The following PTPRD variants were observed in gnomAD, a reference collection of about 807,000 sequenced individuals.
PTPRD encodes protein tyrosine phosphatase receptor type D.
PTPRD carries 34 observed loss-of-function variants against 214.5 expected under a neutral mutation model. The ratio of observed to expected loss-of-function variants is 0.16; its 90% CI spans 0.12 to 0.21. The LOEUF is 0.21. Ranked by LOEUF, PTPRD falls within the 10% of genes least tolerant of loss-of-function variation. The pLI is 1.00. For synonymous variants in PTPRD, 1,128 were observed against 845.7 expected (o/e 1.33, Z -5.79); for missense variants, 2,545 against 2,398.7 (o/e 1.06, Z -1.27).
Position 10,562,228 on chromosome 9 carries a change from T to C in PTPRD, c.-600+50170A>G, listed in dbSNP as rs2064177266. ...CCAAGTGTTCTTTTTACCTATGTAC[T>C]ATGACCACTTCTCTGAACTCAAATA... is the stretch of plus-strand genomic sequence containing the variant. On this transcript the variant is annotated intron_variant, in intron 2 of 45. Transcript: ENST00000381196. 3.3e-5 allele frequency among the ~76,000 whole-genome samples: 5 copies of C among 152,266 alleles called. No homozygotes were observed. In the South Asian group the frequency reaches 8.3e-4, roughly 25 times the overall value.
rs573957034 is a variant in PTPRD at position 9,701,974 on chromosome 9, C to T, written c.-287+32559G>A. Among the ~76,000 whole-genome samples, 7 of 152,094 alleles carry T rather than the reference C, an allele frequency of 4.6e-5. No individual in the cohort carries two copies. In the South Asian group the frequency reaches 1.5e-3, roughly 32 times the overall value. On this transcript the variant is annotated intron_variant, in intron 7 of 45. Coordinates refer to ENST00000381196, the MANE Select transcript of PTPRD (RefSeq NM_002839.4). ...TCTCTACTAAAAATACAAAAATTAG[C>T]CAGGCATGGTGGTGCATGCCTGTAT...
At chr9:9,482,437 G>A (rs2095455617) in intron 8 of PTPRD, among the ~76,000 whole-genome samples, 1 of 152,138 alleles carries the variant, frequency 6.6e-6, no homozygotes, top group South Asian at 2.1e-4. Flanking sequence ...GTAGAACGTT[G>A]AAGTGTCTAT....
intron 10 of PTPRD, among the ~76,000 whole-genome samples, chr9:9,146,204 C>T (rs1012638719): frequency 3.9e-5 from 6 of 152,086 alleles, no homozygotes; most frequent in South Asian, 2.1e-4. Flanking sequence ...ATTGTTTATT[C>T]GTTAGTACCT....
intron 4 of PTPRD, among the ~76,000 whole-genome samples, chr9:9,947,309 ATATATAT>A: frequency 1.3e-5 from 1 of 77,198 alleles, no homozygotes; most frequent in African/African-American, 7.3e-5. Flanking sequence ...TATATTTTAT[ATATATAT>A]TATATATATT....
intron 2 of PTPRD, among the ~76,000 whole-genome samples, chr9:10,487,769 A>C (rs938058830): frequency 6.6e-6 from 1 of 151,990 alleles, no homozygotes; most frequent in Non-Finnish European, 1.5e-5. Flanking sequence ...ACCATGGCAC[A>C]TGTATACCTA....
chr9:9,964,339 G>C (rs553628945), intron 4 of PTPRD, among the ~76,000 whole-genome samples: 86 of 152,254 alleles, frequency 5.6e-4, no homozygotes, highest in African/African-American at 1.9e-3. Flanking sequence ...GATGTATTTT[G>C]AAGACAGGTG....
intron 10 of PTPRD, among the ~76,000 whole-genome samples, chr9:9,179,031 T>C (rs2099926583): frequency 6.6e-6 from 1 of 152,128 alleles, no homozygotes. Context: ...GCTCACTTAA[T>C]GGTATGCCTT....
intron 2 of PTPRD, among the ~76,000 whole-genome samples, chr9:10,446,044 C>G (rs1432222053): frequency 6.6e-6 from 1 of 151,930 alleles, no homozygotes; most frequent in African/African-American, 2.4e-5. Flanking sequence ...AACACAGGAT[C>G]CAGTATCATT....
intron 3 of PTPRD, among the ~76,000 whole-genome samples, chr9:10,198,380 G>A (rs892732199): frequency 6.6e-6 from 1 of 152,140 alleles, no homozygotes; most frequent in African/African-American, 2.4e-5. Flanking sequence ...TGCCTGAAAG[G>A]AAGATGGAGT....
intron 5 of PTPRD, among the ~76,000 whole-genome samples, chr9:9,841,894 T>C (rs1355584485): frequency 6.6e-6 from 1 of 152,126 alleles, no homozygotes; most frequent in Non-Finnish European, 1.5e-5. Context: ...TTTTTCTTCT[T>C]AGAATTGTTA....
At chr9:10,340,415 C>T (rs1183345273) in intron 3 of PTPRD, among the ~76,000 whole-genome samples, 2 of 151,838 alleles carry the variant, frequency 1.3e-5, no homozygotes, top group Non-Finnish European at 2.9e-5. Flanking sequence ...ACACAGCTGG[C>T]TATATCACAC....
intron 5 of PTPRD, among the ~76,000 whole-genome samples, chr9:9,873,583 C>A (rs562776437): frequency 6.6e-6 from 1 of 152,074 alleles, no homozygotes; most frequent in Non-Finnish European, 1.5e-5. Flanking sequence ...ATACTGCTCC[C>A]TTCCTGCATT....
chr9:10,608,561 T>G (rs1043022805), intron 2 of PTPRD, among the ~76,000 whole-genome samples: 2 of 152,126 alleles, frequency 1.3e-5, no homozygotes, highest in African/African-American at 2.4e-5. Context: ...TCTGAGAATT[T>G]GCAAAATGCA....
chr9:9,968,386 G>C (rs946655332), intron 4 of PTPRD, among the ~76,000 whole-genome samples: 1 of 152,132 alleles, frequency 6.6e-6, no homozygotes, highest in African/African-American at 2.4e-5. Context: ...TACGCTTTGA[G>C]TAAATGTAAC....
At chr9:9,673,005 T>C (rs553234089) in intron 7 of PTPRD, among the ~76,000 whole-genome samples, 3 of 152,086 alleles carry the variant, frequency 2.0e-5, no homozygotes, top group African/African-American at 7.2e-5. Context: ...TTATAACGTA[T>C]ACAAATTAAA....
chr9:8,389,515 G>A, intron 36 of PTPRD, 108 bp from the exon 37 acceptor site: 1 of 772,376 alleles, frequency 1.3e-6, no homozygotes, highest in Non-Finnish European at 2.0e-6. Context: ...TCACACTAGA[G>A]AAGTCACAAT....
At chr9:8,562,001 T>C (rs2086581507) in intron 14 of PTPRD, among the ~76,000 whole-genome samples, 1 of 152,200 alleles carries the variant, frequency 6.6e-6, no homozygotes, top group South Asian at 2.1e-4. Flanking sequence ...CCTAAAGACC[T>C]ACCATTTAAC....
intron 3 of PTPRD, among the ~76,000 whole-genome samples, chr9:10,147,611 G>A (rs1276978425): frequency 2.0e-5 from 3 of 152,132 alleles, no homozygotes; most frequent in Admixed American, 6.6e-5. Context: ...TGGGCACAGC[G>A]GCTCATGTCT....
chr9:9,643,148 G>T (rs1009038338), intron 7 of PTPRD, among the ~76,000 whole-genome samples: 1 of 152,140 alleles, frequency 6.6e-6, no homozygotes, highest in Non-Finnish European at 1.5e-5. Flanking sequence ...CTTCCTCAGG[G>T]AATCTTGAGG....
Sources: allele counts gnomAD v4.1 joint callset (sites outside exome capture counted in the v4.1 genomes callset), GRCh38; gene constraint gnomAD v4.1.1; transcripts MANE v1.5; gene names NCBI Gene and HGNC (gene_info 2026-07-23, HGNC 2026-07-21).